The following NFKB1 variants were observed in gnomAD, a reference collection of about 807,000 sequenced individuals.
The protein encoded by NFKB1 is nuclear factor NF-kappa-B p105 subunit.
In NFKB1, 9 loss-of-function variants were observed where a neutral mutation model predicts 105.1. The observed-to-expected ratio is 0.09, with a 90% CI of 0.05 to 0.15. The LOEUF is 0.15. Ranked by LOEUF, NFKB1 falls within the 10% of genes least tolerant of loss-of-function variation. The pLI, the probability that NFKB1 is intolerant of heterozygous loss-of-function variation, is 1.00. For missense variants in NFKB1, 830 were observed against 1,203.7 expected, an observed-to-expected ratio of 0.69 and a Z score of 4.59; for synonymous variants, 440 against 442.2, an observed-to-expected ratio of 1.00 and a Z score of 0.06.
chr4:102,598,134 G>T (rs1465068539), intron 15 of NFKB1, among the ~76,000 whole-genome samples: 1 of 152,172 alleles, frequency 6.6e-6, no homozygotes, highest in African/African-American at 2.4e-5. Flanking sequence ...TTTCTTCTCT[G>T]CTCCCTCTTC....
intron 8 of NFKB1, among the ~76,000 whole-genome samples, chr4:102,579,394 C>G (rs1192772733): frequency 6.6e-6 from 1 of 151,994 alleles, no homozygotes; most frequent in East Asian, 1.9e-4. Flanking sequence ...TGGGGGGACT[C>G]TGGAAAGGAG....
chr4:102,606,728 C>T (rs574079428), intron 17 of NFKB1, 31 bp downstream of exon 17: 1 of 1,585,414 alleles, frequency 6.3e-7, no homozygotes. Context: ...ATTGGTGTAA[C>T]TTTCTCCACC....
intron 2 of NFKB1, among the ~76,000 whole-genome samples, chr4:102,528,342 G>A (rs756496994): frequency 2.0e-5 from 3 of 152,116 alleles, no homozygotes; most frequent in Non-Finnish European, 4.4e-5. Context: ...ACAATGAATA[G>A]CATCAGTGAG....
intron 5 of NFKB1, among the ~76,000 whole-genome samples, chr4:102,549,389 ATTTATATATGTACAT>A (rs981216702): frequency 6.7e-6 from 1 of 148,410 alleles, no homozygotes; most frequent in Non-Finnish European, 1.5e-5. Flanking sequence ...TAATATATGT[ATTTATATATGTACAT>A]TTTATATATG....
chr4:102,514,665 A>G (rs1029611023), intron 1 of NFKB1, among the ~76,000 whole-genome samples: 3 of 152,194 alleles, frequency 2.0e-5, no homozygotes, highest in Admixed American at 6.5e-5. Flanking sequence ...GCTTTGATCA[A>G]TTACCGAGAG....
At chr4:102,611,607 T>A (rs184462241) in intron 20 of NFKB1, among the ~76,000 whole-genome samples, 1 of 152,208 alleles carries the variant, frequency 6.6e-6, no homozygotes. Context: ...CATCTAGACA[T>A]CTCAATTTGA....
At chr4:102,612,195 C>T in intron 21 of NFKB1, 85 bp downstream of exon 21, 1 of 1,292,760 alleles carries the variant, frequency 7.7e-7, no homozygotes, top group Non-Finnish European at 1.1e-6. Flanking sequence ...TATCCAGGGT[C>T]TACTGTTAAA....
At chr4:102,564,322 C>T (rs1246775992) in intron 5 of NFKB1, among the ~76,000 whole-genome samples, 3 of 152,234 alleles carry the variant, frequency 2.0e-5, no homozygotes, top group African/African-American at 4.8e-5. Context: ...GTCATCATGA[C>T]ATCCTATGAA....
chr4:102,602,522 G>C (rs1727259474), intron 16 of NFKB1, among the ~76,000 whole-genome samples: 1 of 150,250 alleles, frequency 6.7e-6, no homozygotes, highest in Non-Finnish European at 1.5e-5. Flanking sequence ...CTGGGTGACA[G>C]AGTGACGCTC....
chr4:102,559,958 A>C (rs1013990850), intron 5 of NFKB1, among the ~76,000 whole-genome samples: 7 of 151,868 alleles, frequency 4.6e-5, no homozygotes, highest in Admixed American at 2.0e-4. Flanking sequence ...AAAAAAAAGA[A>C]AGAAAGAAAA....
chr4:102,607,673 A>G lies in NFKB1; in HGVS notation c.2149A>G (p.Thr717Ala), dbSNP rs1198609105. 6.2e-7 allele frequency: 1 copy of G among 1,614,102 alleles called. No individual in the cohort carries two copies. Among genetic ancestry groups the G allele is most frequent in the Non-Finnish European group, 8.5e-7 (1 of 1,180,014 alleles). ...GGGTGATGCCCATGTGGACAGTACT[A>G]CCTACGATGGAACCACACCCCTGCA... ...LEGDAHVDST[T>A]YDGTTPLHIA... is the part of the protein sequence containing the mutation. The change falls in exon 19 of 24, where the codon ACC (threonine) becomes GCC (alanine). Residue 717 changes from threonine to alanine, a missense_variant. Physicochemically the swap from Thr to Ala is moderately conservative, Grantham distance 58. Coordinates refer to ENST00000226574, the MANE Select transcript of NFKB1 (RefSeq NM_003998.4).
At chr4:102,511,509 C>T (rs1739779214) in intron 1 of NFKB1, among the ~76,000 whole-genome samples, 2 of 152,034 alleles carry the variant, frequency 1.3e-5, no homozygotes, top group South Asian at 4.2e-4. Flanking sequence ...ACCCCAGTCT[C>T]TACAAAAAAT....
At position 102,596,246 on chromosome 4, in the gene NFKB1, A is replaced by G. The variant is rs1249624682; in HGVS notation, c.1409A>G (p.Gln470Arg). ...GTTATTGAAACCACAGAGCAAGATCAGGAGCCCAGCGAGGCCACCGTTGGG... is the reference window on the plus strand; with the variant it reads ...GTTATTGAAACCACAGAGCAAGATCGGGAGCCCAGCGAGGCCACCGTTGGG... ...GKVIETTEQD[Q>R]EPSEATVGNG... Residue 470 changes from glutamine (Q) to arginine (R), a missense_variant, in exon 14 of 24, where the codon CAG (glutamine) becomes CGG (arginine). Physicochemically the swap from Gln to Arg is conservative, Grantham distance 43. Around this residue, in one of 8 missense-constraint regions of NFKB1, gnomAD observed 163 missense variants for 164.3 expected, o/e 0.99. Coordinates refer to ENST00000226574, the MANE Select transcript of NFKB1 (RefSeq NM_003998.4). 5 of 1,613,642 alleles carry G rather than the reference A, an allele frequency of 3.1e-6. No homozygotes were observed. Among genetic ancestry groups the G allele is most frequent in the Admixed American group, 3.3e-5 (2 of 60,006 alleles).
At chr4:102,562,654 CT>C (rs1578765322) in intron 5 of NFKB1, among the ~76,000 whole-genome samples, 1 of 152,182 alleles carries the variant, frequency 6.6e-6, no homozygotes, top group East Asian at 1.9e-4. Flanking sequence ...TTCCTTTTAA[CT>C]TTAAAGACAG....
rs554220070 is a variant in NFKB1, at chr4:102,607,253, G to A, written c.2058G>A (p.Gly686=). 6.2e-7 allele frequency: 1 copy of A among 1,614,226 alleles called. No homozygotes were observed. The highest frequency in any genetic ancestry group is 8.5e-7 in the Non-Finnish European group (1 of 1,180,034). Residue 686 remains glycine (G), a synonymous_variant, in exon 18 of 24, where the codon GGG becomes GGA. Coordinates refer to ENST00000226574, the MANE Select transcript of NFKB1 (RefSeq NM_003998.4). ...TCAATGCTCAGGAGCAGAAGTCCGG[G>A]CGCACAGCACTGCACCTGGCTGTGG... The part of the protein sequence containing the change: ...ADVNAQEQKS[G]RTALHLAVEH...
At chr4:102,517,768 G>T (rs1177005717) in intron 1 of NFKB1, among the ~76,000 whole-genome samples, 1 of 152,176 alleles carries the variant, frequency 6.6e-6, no homozygotes, top group African/African-American at 2.4e-5. Context: ...ATTTCAGGAT[G>T]CAGGGCATAT....
In NFKB1 at chr4:102,513,729, G is replaced by A. The variant is rs562757716; in HGVS notation, c.-7-11783G>A. 3.3e-5 allele frequency among the ~76,000 whole-genome samples: 5 copies of A among 152,160 alleles called. No individual in the cohort carries two copies. In the East Asian group the frequency reaches 7.7e-4, roughly 23 times the overall value. On this transcript the variant is annotated intron_variant, in intron 1 of 23. Transcript: ENST00000226574. ...TATATACATTTCAGGATTTTTTGGGGATATTTTTCTATCACTGGTTTCTGA... is the reference window on the plus strand; with the variant it reads ...TATATACATTTCAGGATTTTTTGGGAATATTTTTCTATCACTGGTTTCTGA...
chr4:102,580,713 G>A, intron 9 of NFKB1, 74 bp downstream of exon 9: 1 of 1,232,504 alleles, frequency 8.1e-7, no homozygotes, highest in Non-Finnish European at 1.2e-6. Flanking sequence ...GTGTCTGTGA[G>A]TCACATTTCA....
At chr4:102,546,278 T>C (rs940961973) in intron 5 of NFKB1, among the ~76,000 whole-genome samples, 4 of 151,892 alleles carry the variant, frequency 2.6e-5, no homozygotes, top group Non-Finnish European at 4.4e-5. Flanking sequence ...TAGCAGAACA[T>C]TGGACTGAAG....
Sources: gnomAD v4.1 joint callset for allele counts (sites outside exome capture counted in the v4.1 genomes callset) on GRCh38, gnomAD v4.1.1 for gene constraint, gnomAD v4.1.1 regional missense constraint, MANE v1.5 for transcripts, NCBI Gene and HGNC (gene_info 2026-07-23, HGNC 2026-07-21) for gene names.